The following KLHL4 variants were observed in gnomAD, a reference collection of about 807,000 sequenced individuals.
KLHL4 encodes the protein kelch like family member 4.
Under a neutral mutation model 45.8 loss-of-function variants are expected in KLHL4, and 17 were observed. That is an observed-to-expected ratio of 0.37 (90% CI 0.25 to 0.56). The LOEUF is 0.56. KLHL4 is among the 20% of genes least tolerant of loss of function. The pLI, the probability that KLHL4 is intolerant of heterozygous loss-of-function variation, is 0.79. For synonymous variants in KLHL4, 224 were observed against 189.9 expected (o/e 1.18, Z -1.47); for missense variants, 544 against 544.9 (o/e 1.00, Z 0.02).
chrX:87,572,869 A>C (rs1044356364), intron 1 of KLHL4, among the ~76,000 whole-genome samples: 3 of 110,093 alleles, frequency 2.7e-5, no homozygotes. Flanking sequence ...GGAGAGATAA[A>C]TTTTTCTTAC....
chrX:87,535,736 C>T (rs1325619729), intron 1 of KLHL4, among the ~76,000 whole-genome samples: 1 of 110,527 alleles, frequency 9.0e-6, no homozygotes, highest in Non-Finnish European at 1.9e-5. Context: ...ATTGTAATCT[C>T]CAATGCTGGG....
chrX:87,613,109 G>A (rs775072484), intron 1 of KLHL4, among the ~76,000 whole-genome samples: 1 of 111,724 alleles, frequency 9.0e-6, no homozygotes, highest in Admixed American at 9.5e-5. Context: ...GGAGTGAGGA[G>A]ATCTAAAACT....
intron 1 of KLHL4, among the ~76,000 whole-genome samples, chrX:87,529,498 C>CA (rs200759255): frequency 0.22 from 23,871 of 110,203 alleles, 2,209 homozygotes; most frequent in Non-Finnish European, 0.29. Flanking sequence ...TTCCTTTTGA[C>CA]AAAAAAACCT....
chrX:87,625,084 C>A (rs1484018738), intron 5 of KLHL4, among the ~76,000 whole-genome samples: 1 of 112,702 alleles, frequency 8.9e-6, no homozygotes, highest in Non-Finnish European at 1.9e-5. Context: ...TAACTGCTTT[C>A]AGCAATACTT....
intron 9 of KLHL4, among the ~76,000 whole-genome samples, chrX:87,648,468 A>G (rs1201173544): frequency 9.0e-6 from 1 of 111,492 alleles, no homozygotes; most frequent in Non-Finnish European, 1.9e-5. Flanking sequence ...GAACAGAATT[A>G]AGGACCACAG....
At chrX:87,664,624 A>T in intron 9 of KLHL4, 140 bp from the exon 10 acceptor site, 1 of 435,288 alleles carries the variant, frequency 2.3e-6, no homozygotes, top group Non-Finnish European at 3.9e-6. Context: ...TATCCTTAAT[A>T]TTATCCAATC....
intron 1 of KLHL4, among the ~76,000 whole-genome samples, chrX:87,519,752 A>T (rs983872056): frequency 1.7e-4 from 19 of 112,202 alleles, no homozygotes; most frequent in African/African-American, 5.8e-4. Flanking sequence ...GTCACCAAGA[A>T]CAATTTTTAA....
chrX:87,523,824 G>A (rs1200732829), intron 1 of KLHL4, among the ~76,000 whole-genome samples: 3 of 110,571 alleles, frequency 2.7e-5, no homozygotes, highest in East Asian at 2.9e-4. Context: ...TTAGCCAGAC[G>A]TGGTGGCAGG....
intron 1 of KLHL4, among the ~76,000 whole-genome samples, chrX:87,593,098 G>A (rs980878635): frequency 1.8e-5 from 2 of 111,259 alleles, no homozygotes; most frequent in African/African-American, 6.5e-5. Context: ...GATAAATATT[G>A]CCTCTCTTGA....
intron 1 of KLHL4, among the ~76,000 whole-genome samples, chrX:87,519,901 T>G (rs1287136395): frequency 8.9e-6 from 1 of 112,239 alleles, no homozygotes; most frequent in Non-Finnish European, 1.9e-5. Context: ...TACAATAAAA[T>G]AGATGTTAGA....
At chrX:87,627,869 T>G (rs758654747) in intron 6 of KLHL4, among the ~76,000 whole-genome samples, 1 of 111,561 alleles carries the variant, frequency 9.0e-6, no homozygotes, top group African/African-American at 3.2e-5. Flanking sequence ...TTTTGGCATT[T>G]TTTTCGGGCT....
intron 6 of KLHL4, among the ~76,000 whole-genome samples, chrX:87,627,582 C>G (rs1272680883): frequency 9.0e-6 from 1 of 111,223 alleles, no homozygotes; most frequent in African/African-American, 3.3e-5. Flanking sequence ...TATTTTGTAA[C>G]AATAATGTTA....
intron 9 of KLHL4, among the ~76,000 whole-genome samples, chrX:87,642,781 G>A (rs1923506517): frequency 8.9e-6 from 1 of 112,137 alleles, no homozygotes; most frequent in African/African-American, 3.2e-5. Flanking sequence ...GAATGTAATT[G>A]AGCAAGTAAA....
intron 1 of KLHL4, among the ~76,000 whole-genome samples, chrX:87,549,646 A>G (rs989337577): frequency 9.0e-6 from 1 of 111,565 alleles, no homozygotes; most frequent in Non-Finnish European, 1.9e-5. Context: ...GCACATGGAA[A>G]TTAAACAATA....
intron 1 of KLHL4, among the ~76,000 whole-genome samples, chrX:87,580,350 G>A (rs1174056272): frequency 9.4e-6 from 1 of 106,317 alleles, no homozygotes; most frequent in African/African-American, 3.4e-5. Flanking sequence ...CAACAAAATT[G>A]CAAGAGTAAG....
rs376547998 is a variant in KLHL4 at position 87,614,014 on chromosome X, T to C, written c.560T>C (p.Ile187Thr). Residue 187 changes from isoleucine to threonine, a missense_variant, in exon 2 of 11, where the codon ATT (isoleucine) becomes ACT (threonine). By Grantham distance (89) the Ile-to-Thr change is moderately conservative. Coordinates refer to ENST00000373119, the MANE Select transcript of KLHL4 (RefSeq NM_019117.5). ...AAACAACTATGTGATGTGCTACTGA[T>C]TGCAGGACACCTCCGCATCCCAGCC... ...KEKQLCDVLL[I>T]AGHLRIPAHR... is the part of the protein sequence containing the mutation. The C allele has an allele frequency of 3.3e-6, 4 of 1,205,100 alleles. No individual in the cohort carries two copies. In the African/African-American group the frequency reaches 7.0e-5, roughly 21 times the overall value.
intron 9 of KLHL4, among the ~76,000 whole-genome samples, chrX:87,663,245 A>T (rs1924259028): frequency 9.0e-6 from 1 of 111,276 alleles, no homozygotes. Context: ...GCTCAATTTC[A>T]TTTCCACTAG....
intron 9 of KLHL4, among the ~76,000 whole-genome samples, chrX:87,660,931 A>G (rs1452012401): frequency 1.8e-5 from 2 of 112,595 alleles, no homozygotes. Context: ...AAAGATTGAT[A>G]TGGAAAACCC....
chrX:87,662,555 A>G (rs1239571235), intron 9 of KLHL4, among the ~76,000 whole-genome samples: 1 of 111,687 alleles, frequency 9.0e-6, no homozygotes, highest in Non-Finnish European at 1.9e-5. Flanking sequence ...ATAGTTATAG[A>G]AAAAAATCAC....
Sources: gnomAD v4.1 joint callset for allele counts (sites outside exome capture counted in the v4.1 genomes callset) on GRCh38, gnomAD v4.1.1 for gene constraint, MANE v1.5 for transcripts, NCBI Gene and HGNC (gene_info 2026-07-23, HGNC 2026-07-21) for gene names.